TEK: variants seen among roughly 807,000 people sequenced by gnomAD.
The protein encoded by TEK is angiopoietin-1 receptor.
TEK carries 43 observed loss-of-function variants against 131.8 expected under a neutral mutation model. The observed-to-expected ratio is 0.33, with a 90% confidence interval of 0.26 to 0.42. TEK has a LOEUF of 0.42. Among genes scored for constraint, TEK ranks in the 10% least tolerant of loss-of-function variants. TEK has a pLI of 1.00. For missense variants in TEK, 1,162 were observed against 1,384.4 expected (o/e 0.84, Z 2.55); for synonymous variants, 580 against 491.6 (o/e 1.18, Z -2.38).
chr9:27,223,863 G>C (rs950182351), intron 21 of TEK, among the ~76,000 whole-genome samples: 1 of 152,020 alleles, frequency 6.6e-6, no homozygotes, highest in Non-Finnish European at 1.5e-5. Context: ...AAAATAGACT[G>C]CTAGCCAGAC....
chr9:27,175,789 T>C (rs1351816856), intron 6 of TEK, among the ~76,000 whole-genome samples: 1 of 152,260 alleles, frequency 6.6e-6, no homozygotes, highest in Non-Finnish European at 1.5e-5. Context: ...ATGTCTTCTT[T>C]AGAGAAGTGT....
chr9:27,228,396 TTCTTCTTGGCATGGC>T, intron 22 of TEK, 91 bp downstream of exon 22: 1 of 1,030,094 alleles, frequency 9.7e-7, no homozygotes, highest in Admixed American at 1.9e-5. Context: ...ATTGAAGAAG[TTCTTCTTGGCATGGC>T]CCTAAGTATT....
intron 8 of TEK, among the ~76,000 whole-genome samples, 194 bp from the exon 9 acceptor site, chr9:27,185,291 A>T (rs188187627): frequency 6.6e-6 from 1 of 152,314 alleles, no homozygotes; most frequent in Admixed American, 6.5e-5. Flanking sequence ...CTGACAGGGC[A>T]TCAATCCAAA....
rs144111869 is a variant in TEK, at chr9:27,129,633, A to C, written c.52+19991A>C. On this transcript the variant is annotated intron_variant, in intron 1 of 22. Coordinates refer to ENST00000380036, the MANE Select transcript of TEK (RefSeq NM_000459.5). ...TCATTGAGCCCCTTCCAAGGGGCTT[A>C]TGCAAATATTCACCCAATAAAATAT... Among the ~76,000 whole-genome samples the C allele has an allele frequency of 6.0e-4, 92 of 152,350 alleles. 1 individual carries two copies. The East Asian group carries it at 0.014, about 24-fold the overall frequency.
At chr9:27,173,420 C>T in intron 6 of TEK, 58 bp downstream of exon 6, 1 of 1,609,966 alleles carries the variant, frequency 6.2e-7, no homozygotes, top group Non-Finnish European at 8.5e-7. Flanking sequence ...TAAAGGAGAT[C>T]CAGTTTGCTG....
In TEK at chr9:27,190,453, T is replaced by C. The variant is rs375122524; in HGVS notation, c.1328-76T>C. On this transcript the variant is annotated intron_variant, in intron 9 of 22. Transcript: ENST00000380036. ...GACTTTGTTGGACATGTAAAACATATCTTCTACCTCTACCTAAGAACAATC... is the reference window on the plus strand; with the variant it reads ...GACTTTGTTGGACATGTAAAACATACCTTCTACCTCTACCTAAGAACAATC... 79 of 1,574,710 alleles carry C rather than the reference T, an allele frequency of 5.0e-5. No individual in the cohort carries two copies. The Middle Eastern group carries it at 1.0e-3, about 20-fold the overall frequency.
chr9:27,220,262 G>A (rs1225548262), intron 21 of TEK, 117 bp downstream of exon 21: 1 of 862,330 alleles, frequency 1.2e-6, no homozygotes, highest in East Asian at 2.6e-5. Flanking sequence ...CCTACACACA[G>A]AGATCCCAAA....
At chr9:27,220,471 T>C (rs1313709616) in intron 21 of TEK, among the ~76,000 whole-genome samples, 1 of 63,522 alleles carries the variant, frequency 1.6e-5, no homozygotes, top group Non-Finnish European at 2.8e-5. Flanking sequence ...ATTTCAAAGC[T>C]GTTCATTAAG....
intron 2 of TEK, among the ~76,000 whole-genome samples, chr9:27,166,459 T>C: frequency 6.6e-6 from 1 of 152,348 alleles, no homozygotes; most frequent in Middle Eastern, 3.4e-3. Context: ...TCATGAGCTT[T>C]GAAATTCTGT....
At chr9:27,170,567 G>T (rs187785272) in intron 4 of TEK, among the ~76,000 whole-genome samples, 1 of 151,980 alleles carries the variant, frequency 6.6e-6, no homozygotes, top group Non-Finnish European at 1.5e-5. Context: ...CGAGGCTGCA[G>T]TGGGCCAGGC....
At position 27,190,647 on chromosome 9, in the gene TEK, A is replaced by G. The variant is rs370562453; in HGVS notation, c.1446A>G (p.Leu482=). The G allele has an allele frequency of 5.6e-6, 9 of 1,613,898 alleles. No homozygotes were observed. The highest frequency in any genetic ancestry group is 5.3e-5 in the African/African-American group (4 of 74,908). The change falls in exon 10 of 23, where the codon CTA becomes CTG. Residue 482 remains leucine (L), a synonymous_variant. Transcript: ENST00000380036. Reference sequence around the variant, plus strand: ...GACCAATCAAATCCAAGAAGCTTCTATACAAACCCGTTAATCACTATGAGG... The same window carrying G: ...GACCAATCAAATCCAAGAAGCTTCTGTACAAACCCGTTAATCACTATGAGG... The part of the protein sequence containing the change: ...GDGPIKSKKL[L]YKPVNHYEAW...
At chr9:27,227,309 G>C (rs1314335913) in intron 21 of TEK, among the ~76,000 whole-genome samples, 2 of 152,130 alleles carry the variant, frequency 1.3e-5, no homozygotes, top group African/African-American at 4.8e-5. Context: ...CACTGTCTTA[G>C]GTCAGTGTTT....
intron 10 of TEK, chr9:27,191,895 T>G (rs1168036731): frequency 4.4e-6 from 2 of 451,506 alleles, no homozygotes; most frequent in Non-Finnish European, 8.9e-6. Context: ...AGTAGGAATT[T>G]ATCATATGAT....
chr9:27,136,266 G>C (rs1042717798), intron 1 of TEK, among the ~76,000 whole-genome samples: 3 of 152,016 alleles, frequency 2.0e-5, no homozygotes, highest in Non-Finnish European at 2.9e-5. Context: ...ATTTATAATA[G>C]AGACGAGGTT....
At chr9:27,125,002 C>G (rs947803703) in intron 1 of TEK, among the ~76,000 whole-genome samples, 5 of 152,116 alleles carry the variant, frequency 3.3e-5, no homozygotes, top group African/African-American at 1.2e-4. Flanking sequence ...ATTTATAAGT[C>G]CCCTTTTTCC....
At chr9:27,185,684 AT>A in intron 9 of TEK, 55 bp downstream of exon 9, 1 of 1,607,710 alleles carries the variant, frequency 6.2e-7, no homozygotes. Context: ...ATGTTTTTGT[AT>A]TGCTGCTTCT....
chr9:27,223,217 C>T (rs2756906), intron 21 of TEK, among the ~76,000 whole-genome samples: 47,707 of 151,962 alleles, frequency 0.31, 8,237 homozygotes, highest in African/African-American at 0.45. Context: ...GACGGATCAA[C>T]GAGACAGAAG....
chr9:27,138,583 A>G (rs1449774038), intron 1 of TEK, among the ~76,000 whole-genome samples: 1 of 152,232 alleles, frequency 6.6e-6, no homozygotes, highest in Non-Finnish European at 1.5e-5. Flanking sequence ...CTCACTTTTA[A>G]AACTGTTGAG....
chr9:27,173,674 G>A (rs373788571), intron 6 of TEK, among the ~76,000 whole-genome samples: 3 of 140,254 alleles, frequency 2.1e-5, no homozygotes, highest in African/African-American at 8.0e-5. Flanking sequence ...TAGTTCCGAT[G>A]TTACTGGTTT....
Sources: gnomAD v4.1 joint callset for allele counts (sites outside exome capture counted in the v4.1 genomes callset) on GRCh38, gnomAD v4.1.1 for gene constraint, MANE v1.5 for transcripts, NCBI Gene and HGNC (gene_info 2026-07-23, HGNC 2026-07-21) for gene names.